The following PCDH7 variants were observed in gnomAD, a reference collection of about 807,000 sequenced individuals.
The protein encoded by PCDH7 is protocadherin-7.
Under a neutral mutation model 58.9 loss-of-function variants are expected in PCDH7, and 17 were observed. The observed-to-expected ratio is 0.29, with a 90% CI of 0.20 to 0.43. The LOEUF (loss-of-function observed/expected upper bound fraction) is 0.43. Among genes scored for constraint, PCDH7 ranks in the 20% least tolerant of loss-of-function variants. The probability of loss-of-function intolerance (pLI) is 1.00; values close to 1 mark genes in which losing one functional copy is unlikely to be tolerated. For missense variants in PCDH7, 1,274 were observed against 1,441.0 expected (o/e 0.88, Z 1.88); for synonymous variants, 664 against 616.4 (o/e 1.08, Z -1.14).
At chr4:31,011,281 G>T (rs183144747) in intron 3 of PCDH7, among the ~76,000 whole-genome samples, 1 of 151,988 alleles carries the variant, frequency 6.6e-6, no homozygotes, top group Admixed American at 6.6e-5. Flanking sequence ...GTACTGTGCC[G>T]CTGTAAGAAA....
intron 1 of PCDH7, among the ~76,000 whole-genome samples, chr4:30,908,237 G>GAGTT: frequency 1.9e-5 from 1 of 53,856 alleles, no homozygotes; most frequent in Non-Finnish European, 3.3e-5. Context: ...AGAACTTAAA[G>GAGTT]AATAATAAAA....
chr4:31,129,679 T>C (rs1197411233), intron 3 of PCDH7, among the ~76,000 whole-genome samples: 1 of 152,042 alleles, frequency 6.6e-6, no homozygotes, highest in African/African-American at 2.4e-5. Context: ...CCAGGCTGGA[T>C]TGGAATGTAA....
intron 1 of PCDH7, among the ~76,000 whole-genome samples, chr4:30,726,416 T>C (rs1714621707): frequency 6.6e-6 from 1 of 152,034 alleles, no homozygotes; most frequent in South Asian, 2.1e-4. Context: ...GTGACACTTT[T>C]ATGGATATTT....
intron 1 of PCDH7, among the ~76,000 whole-genome samples, chr4:30,891,006 A>G (rs1185858688): frequency 6.6e-5 from 10 of 151,940 alleles, no homozygotes; most frequent in Non-Finnish European, 1.2e-4. Context: ...TGCTCCATAA[A>G]TGCTTGAAAA....
chr4:31,056,652 GAGAGAGAGGAGAGAGAGAAAGAGAA>G (rs1424401333), intron 3 of PCDH7, among the ~76,000 whole-genome samples: 4 of 147,274 alleles, frequency 2.7e-5, no homozygotes, highest in African/African-American at 5.0e-5. Flanking sequence ...GAGAGAGAAA[GAGAGAGAGGAGAGAGAGAAAGAGAA>G]AGAGAGAGGA....
At chr4:30,724,418 G>C (rs768811732) in exon 1 of PCDH7, 19 of 1,613,898 alleles carry the variant, frequency 1.2e-5, no homozygotes, top group Admixed American at 1.7e-5. Context: ...TACAAATCTA[G>C]TTCCCCATTG....
rs756230384 is a variant in PCDH7, at chr4:30,722,623, G to C, written c.1201G>C (p.Val401Leu). 1.9e-6 allele frequency: 3 copies of C among 1,613,382 alleles called. No individual in the cohort carries two copies. In the Admixed American group the frequency reaches 5.0e-5, roughly 27 times the overall value. ...GCCCCCCAAGACCGACAAGGCCACC[G>C]TGGTCCTTAACATCAAAGACGAGAA... Residue 401 changes from valine (V) to leucine (L), a missense_variant, in exon 1 of 2, where the codon GTG becomes CTG. Around this residue, in one of 3 missense-constraint regions of PCDH7, gnomAD observed 731 missense variants for 881.9 expected, o/e 0.83. Coordinates refer to ENST00000361762, the Ensembl canonical transcript of PCDH7. This position sits in a 1 kb window ranked among gnomAD's most constrained non-coding sequence, Gnocchi z 7.6.
chr4:30,881,391 C>T (rs1578150679), intron 1 of PCDH7, among the ~76,000 whole-genome samples: 1 of 152,090 alleles, frequency 6.6e-6, no homozygotes, highest in East Asian at 1.9e-4. Context: ...CTATAAGTTT[C>T]CTTACTACAA....
chr4:30,978,608 A>C (rs2109106763), intron 3 of PCDH7, among the ~76,000 whole-genome samples: 1 of 152,256 alleles, frequency 6.6e-6, no homozygotes, highest in Non-Finnish European at 1.5e-5. Flanking sequence ...TGATTTTATA[A>C]TTTGCAAGAA....
At chr4:31,054,574 C>T (rs1757003752) in intron 3 of PCDH7, among the ~76,000 whole-genome samples, 1 of 152,190 alleles carries the variant, frequency 6.6e-6, no homozygotes, top group African/African-American at 2.4e-5. Context: ...GTGCTTCTAA[C>T]ACATTGGAAA....
At chr4:30,866,753 T>A (rs1734932232) in intron 1 of PCDH7, among the ~76,000 whole-genome samples, 1 of 151,316 alleles carries the variant, frequency 6.6e-6, no homozygotes, top group Non-Finnish European at 1.5e-5. Context: ...TTCTCTGCAA[T>A]CCTTACATGG....
chr4:30,971,510 C>G (rs890844921), intron 3 of PCDH7, among the ~76,000 whole-genome samples: 1 of 152,126 alleles, frequency 6.6e-6, no homozygotes. Context: ...AAAATGTAGT[C>G]CTCAAGCCAT....
intron 3 of PCDH7, among the ~76,000 whole-genome samples, chr4:31,015,479 G>T (rs1443757456): frequency 6.6e-6 from 1 of 152,100 alleles, no homozygotes; most frequent in Admixed American, 6.6e-5. Context: ...TATCAATCAA[G>T]AATTGCCATG....
chr4:30,730,957 G>A, exon 2 of PCDH7: 1 of 1,286,468 alleles, frequency 7.8e-7, no homozygotes, highest in African/African-American at 1.5e-5. Context: ...CAGAAAAATA[G>A]TATGAAAATA....
intron 1 of PCDH7, among the ~76,000 whole-genome samples, chr4:30,866,764 T>C (rs1424311892): frequency 6.6e-6 from 1 of 151,800 alleles, no homozygotes; most frequent in Non-Finnish European, 1.5e-5. Context: ...CCTTACATGG[T>C]AAACTGGAAT....
At chr4:30,873,534 T>C (rs1191345410) in intron 1 of PCDH7, among the ~76,000 whole-genome samples, 1 of 152,106 alleles carries the variant, frequency 6.6e-6, no homozygotes, top group African/African-American at 2.4e-5. Flanking sequence ...ATGAGAAATT[T>C]TGCAGAGAAT....
At position 30,923,201 on chromosome 4, in the gene PCDH7, T is replaced by A. The variant is rs138120052; in HGVS notation, c.287+2832T>A. ...TAACCTATGTGAAACAATGCAGTTA[T>A]CAGCAAGTGTTTGGGATTAACTTTC... On this transcript the variant is annotated intron_variant, in intron 2 of 3. Transcript: ENST00000509759. 3.7e-3 allele frequency among the ~76,000 whole-genome samples: 571 copies of A among 152,308 alleles called. 2 individuals are homozygous for A. Among genetic ancestry groups the A allele is most frequent in the Middle Eastern group, 6.8e-3 (2 of 294 alleles).
chr4:30,774,687 G>A (rs1182172298), intron 1 of PCDH7, among the ~76,000 whole-genome samples: 1 of 152,146 alleles, frequency 6.6e-6, no homozygotes, highest in Non-Finnish European at 1.5e-5. Context: ...CTGCATCAGG[G>A]ACTGTTCTAC....
chr4:30,968,378 ATATATAT>A (rs1749224173), intron 3 of PCDH7, among the ~76,000 whole-genome samples: 5 of 28,082 alleles, frequency 1.8e-4, no homozygotes, highest in Non-Finnish European at 3.2e-4. Flanking sequence ...TACACACACT[ATATATAT>A]ATATATATAT....
Sources: allele counts gnomAD v4.1 joint callset (sites outside exome capture counted in the v4.1 genomes callset), GRCh38; gene constraint gnomAD v4.1.1; regional missense constraint gnomAD v4.1.1; non-coding constraint Gnocchi (gnomAD v3.1); transcripts MANE v1.5; gene names NCBI Gene and HGNC (gene_info 2026-07-23, HGNC 2026-07-21).